The following GTF2E1 variants were observed in gnomAD, a reference collection of about 807,000 sequenced individuals.
The protein encoded by GTF2E1 is general transcription factor IIE subunit 1, also known as TFIIE alpha subunit.
In GTF2E1, 14 loss-of-function variants were observed where a neutral mutation model predicts 34.9. The ratio of observed to expected loss-of-function variants is 0.40; its 90% CI spans 0.27 to 0.63. The LOEUF is 0.63. Among genes scored for constraint, GTF2E1 ranks in the 20% least tolerant of loss-of-function variants. The probability of loss-of-function intolerance (pLI) is 0.39; values close to 1 mark genes in which losing one functional copy is unlikely to be tolerated. For synonymous variants in GTF2E1, 188 were observed against 192.9 expected, an observed-to-expected ratio of 0.97 and a Z score of 0.21; for missense variants, 469 against 557.7, an observed-to-expected ratio of 0.84 and a Z score of 1.60.
chr3:120,761,916 A>G (rs1709267329), intron 2 of GTF2E1, among the ~76,000 whole-genome samples: 1 of 149,778 alleles, frequency 6.7e-6, no homozygotes, highest in Non-Finnish European at 1.5e-5. Flanking sequence ...TCAGCCTCCC[A>G]AGAAGCTGGG....
intron 3 of GTF2E1, among the ~76,000 whole-genome samples, chr3:120,774,970 T>C (rs775013741): frequency 2.0e-5 from 3 of 152,022 alleles, no homozygotes; most frequent in South Asian, 4.1e-4. Flanking sequence ...CCTATAGATA[T>C]CCAGAGGCAG....
At chr3:120,763,065 T>C (rs1342111684) in intron 2 of GTF2E1, among the ~76,000 whole-genome samples, 1 of 152,162 alleles carries the variant, frequency 6.6e-6, no homozygotes, top group Non-Finnish European at 1.5e-5. Context: ...AGAATAATAT[T>C]AATAATTTTA....
At chr3:120,745,630 A>G (rs1709098623) in intron 1 of GTF2E1, among the ~76,000 whole-genome samples, 1 of 152,202 alleles carries the variant, frequency 6.6e-6, no homozygotes, top group African/African-American at 2.4e-5. Context: ...AGTCTGGGGC[A>G]TGGCATGTAT....
intron 1 of GTF2E1, 162 bp downstream of exon 1, chr3:120,742,956 C>A (rs766995464): frequency 1.1e-4 from 21 of 193,278 alleles, no homozygotes; most frequent in Non-Finnish European, 1.8e-4. Flanking sequence ...CCGGAGCGGC[C>A]CGTGTGCGAC....
chr3:120,765,518 G>A (rs1037200343), intron 2 of GTF2E1, among the ~76,000 whole-genome samples: 4 of 152,158 alleles, frequency 2.6e-5, no homozygotes, highest in African/African-American at 7.2e-5. Flanking sequence ...TTGCTAAATT[G>A]TAGCTGGCAG....
At chr3:120,746,605 C>G (rs1028232351) in intron 1 of GTF2E1, among the ~76,000 whole-genome samples, 5 of 152,062 alleles carry the variant, frequency 3.3e-5, no homozygotes, top group African/African-American at 4.8e-5. Context: ...TCGAGACCAG[C>G]CTGGGCAAAA....
intron 2 of GTF2E1, among the ~76,000 whole-genome samples, chr3:120,765,558 A>G (rs1428942789): frequency 6.6e-6 from 1 of 152,220 alleles, no homozygotes; most frequent in Non-Finnish European, 1.5e-5. Context: ...GGAATGTATA[A>G]TTCAGGATAG....
intron 2 of GTF2E1, among the ~76,000 whole-genome samples, chr3:120,761,923 T>C (rs1466215205): frequency 1.3e-5 from 2 of 151,788 alleles, no homozygotes; most frequent in Non-Finnish European, 2.9e-5. Context: ...CCCAAGAAGC[T>C]GGGACTACAG....
chr3:120,776,024 A>G (rs970939013), intron 3 of GTF2E1, among the ~76,000 whole-genome samples: 1 of 152,178 alleles, frequency 6.6e-6, no homozygotes, highest in African/African-American at 2.4e-5. Context: ...TTAAAAATAC[A>G]ATGTGTTTTG....
chr3:120,781,815 A>C lies in GTF2E1; in HGVS notation c.*345A>C, dbSNP rs1471437944. 1 of 173,304 alleles carries C rather than the reference A, an allele frequency of 5.8e-6. No homozygotes were observed. Among genetic ancestry groups the C allele is most frequent in the African/African-American group, 2.4e-5 (1 of 40,962 alleles). The allele number at this position is 173,304 out of a possible 1,614,324, so 10.7% of individuals were successfully genotyped here. A position where few individuals can be genotyped will look rare whatever the true frequency, so the allele number is the denominator to read the frequency against. On this transcript the variant is annotated 3_prime_UTR_variant, in exon 5 of 5. Coordinates refer to ENST00000283875, the MANE Select transcript of GTF2E1 (RefSeq NM_005513.3). ...ACTGCAACCTCTGCCTCCTGGGTTC[A>C]AGCGATTCTCCTGCCTCAGCCTCCC...
rs1411484289 is a variant in GTF2E1, at chr3:120,749,384, G to A, written c.-30-1139G>A. Among the ~76,000 whole-genome samples the A allele has an allele frequency of 3.3e-5, 5 of 152,304 alleles. No individual in the cohort carries two copies. In the South Asian group the frequency reaches 8.3e-4, roughly 25 times the overall value. The stretch of plus-strand genomic sequence containing the variant: ...TTGCCCATTCAGTATGATATTGGCT[G>A]TGGGTTTGTCATAGATAGCTCTTAT... On this transcript the variant is annotated intron_variant, in intron 1 of 4. Transcript: ENST00000283875.
intron 2 of GTF2E1, among the ~76,000 whole-genome samples, chr3:120,764,134 C>G (rs1709287687): frequency 6.6e-6 from 1 of 152,122 alleles, no homozygotes; most frequent in Non-Finnish European, 1.5e-5. Flanking sequence ...GAGAGGCCTA[C>G]CCTGAGTTTC....
chr3:120,745,262 G>A (rs952251783), intron 1 of GTF2E1, among the ~76,000 whole-genome samples: 1 of 152,136 alleles, frequency 6.6e-6, no homozygotes, highest in African/African-American at 2.4e-5. Flanking sequence ...TCTGAGGTCA[G>A]GGGGCCTAAG....
intron 1 of GTF2E1, among the ~76,000 whole-genome samples, chr3:120,746,603 A>C (rs1195718333): frequency 6.6e-6 from 1 of 152,120 alleles, no homozygotes; most frequent in Non-Finnish European, 1.5e-5. Flanking sequence ...GTTCGAGACC[A>C]GCCTGGGCAA....
rs1709344711 is a variant in GTF2E1, at chr3:120,770,795, T to C, written c.516T>C (p.Asp172=). 3.1e-6 allele frequency: 5 copies of C among 1,613,644 alleles called. No individual in the cohort carries two copies. Among genetic ancestry groups the C allele is most frequent in the Non-Finnish European group, 3.4e-6 (4 of 1,179,606 alleles). Residue 172 remains aspartate (D), a synonymous_variant, in exon 3 of 5, where the codon GAT becomes GAC. Coordinates refer to ENST00000283875, the MANE Select transcript of GTF2E1 (RefSeq NM_005513.3). ...EEDESAMPKK[D]ARTLLARFNE... ...ATGAATCAGCAATGCCCAAAAAAGA[T>C]GCACGCACACTTTTGGCAAGGTTTA...
chr3:120,758,919 C>T (rs747228263), intron 2 of GTF2E1, among the ~76,000 whole-genome samples: 1 of 152,130 alleles, frequency 6.6e-6, no homozygotes, highest in Non-Finnish European at 1.5e-5. Context: ...GATTTATAAT[C>T]CTTTGGGTGT....
At chr3:120,763,515 A>G (rs1465295675) in intron 2 of GTF2E1, among the ~76,000 whole-genome samples, 1 of 152,184 alleles carries the variant, frequency 6.6e-6, no homozygotes, top group Non-Finnish European at 1.5e-5. Context: ...AATCATATAT[A>G]TTAGTGTTAT....
chr3:120,745,165 G>T (rs1709094399), intron 1 of GTF2E1, among the ~76,000 whole-genome samples: 1 of 152,200 alleles, frequency 6.6e-6, no homozygotes, highest in South Asian at 2.1e-4. Flanking sequence ...GCCTCCCAAA[G>T]TGTTGCAATT....
Position 120,781,025 on chromosome 3 carries a change from C to T in GTF2E1, c.893-18C>T. 1 of 1,554,932 alleles carries T rather than the reference C, an allele frequency of 6.4e-7. No homozygotes were observed. Among genetic ancestry groups the T allele is most frequent in the Non-Finnish European group, 8.8e-7 (1 of 1,142,166 alleles). On this transcript the variant is annotated intron_variant, in intron 4 of 4. Transcript: ENST00000283875. ...ATTTATATTTAAGGATATTGACTTT[C>T]TGAGTTTTACTCCCCAGGGGGCATA...
Sources: allele counts gnomAD v4.1 joint callset (sites outside exome capture counted in the v4.1 genomes callset), GRCh38; gene constraint gnomAD v4.1.1; transcripts MANE v1.5; gene names NCBI Gene and HGNC (gene_info 2026-07-23, HGNC 2026-07-21).